ZNF407: variants seen among roughly 807,000 people sequenced by gnomAD.
ZNF407 encodes the protein zinc finger protein 407.
ZNF407 carries 17 observed loss-of-function variants against 131.2 expected under a neutral mutation model. That is an observed-to-expected ratio of 0.13 (90% CI 0.09 to 0.19). ZNF407 has a LOEUF of 0.19. Among genes scored for constraint, ZNF407 ranks in the 10% least tolerant of loss-of-function variants. The pLI is 1.00. For missense variants in ZNF407, 2,681 were observed against 2,830.6 expected (o/e 0.95, Z 1.20); for synonymous variants, 1,156 against 1,062.0 (o/e 1.09, Z -1.72).
intron 8 of ZNF407, among the ~76,000 whole-genome samples, chr18:74,991,460 A>G (rs1972718090): frequency 6.6e-6 from 1 of 152,216 alleles, no homozygotes; most frequent in Non-Finnish European, 1.5e-5. Context: ...TCTTTCTAAG[A>G]TGAGTCATCT....
At chr18:74,628,219 C>T (rs976326483) in intron 1 of ZNF407, among the ~76,000 whole-genome samples, 2 of 152,000 alleles carry the variant, frequency 1.3e-5, no homozygotes, top group African/African-American at 4.8e-5. Flanking sequence ...TTTTCAAATA[C>T]TTTTATATTA....
intron 3 of ZNF407, among the ~76,000 whole-genome samples, chr18:74,777,166 TTATTA>T (rs1969489261): frequency 6.6e-6 from 1 of 152,142 alleles, no homozygotes. Context: ...AAATAGGTCT[TTATTA>T]TATGGTATGT....
At chr18:74,921,318 TC>T (rs1971844106) in intron 8 of ZNF407, among the ~76,000 whole-genome samples, 1 of 152,202 alleles carries the variant, frequency 6.6e-6, no homozygotes, top group African/African-American at 2.4e-5. Flanking sequence ...GTAAAGCAGA[TC>T]CGTTCCTCCA....
At chr18:74,664,496 AAAAC>A (rs895642148) in intron 3 of ZNF407, among the ~76,000 whole-genome samples, 38 of 152,270 alleles carry the variant, frequency 2.5e-4, no homozygotes, top group East Asian at 9.7e-4. Flanking sequence ...CTCCGTCTCA[AAAAC>A]AAACAAACAA....
intron 3 of ZNF407, among the ~76,000 whole-genome samples, chr18:74,756,033 G>T (rs1441820528): frequency 6.7e-6 from 1 of 149,808 alleles, no homozygotes; most frequent in African/African-American, 2.5e-5. Flanking sequence ...AGCTGGGATT[G>T]CAGGTGCGCA....
At chr18:74,674,861 T>G (rs1370596016) in intron 3 of ZNF407, among the ~76,000 whole-genome samples, 1 of 152,206 alleles carries the variant, frequency 6.6e-6, no homozygotes, top group African/African-American at 2.4e-5. Flanking sequence ...CCATACCCCC[T>G]CGCTGGGTAG....
At chr18:74,879,919 C>T (rs1208603938) in intron 5 of ZNF407, among the ~76,000 whole-genome samples, 1 of 152,100 alleles carries the variant, frequency 6.6e-6, no homozygotes, top group Non-Finnish European at 1.5e-5. Context: ...CTTAAAAAGG[C>T]AATTATAATT....
chr18:75,036,652 G>A (rs1035781589), intron 8 of ZNF407, among the ~76,000 whole-genome samples: 2 of 152,204 alleles, frequency 1.3e-5, no homozygotes, highest in Non-Finnish European at 2.9e-5. Context: ...GGCATGCAAT[G>A]TACAAAAATG....
chr18:74,892,303 C>G (rs922950965), intron 7 of ZNF407, among the ~76,000 whole-genome samples: 3 of 152,156 alleles, frequency 2.0e-5, no homozygotes, highest in Non-Finnish European at 2.9e-5. Context: ...CTCAGCACTC[C>G]TTAGCTGTGG....
chr18:75,017,455 C>T lies in ZNF407; in HGVS notation c.5429-45695C>T, dbSNP rs538297543. Among the ~76,000 whole-genome samples, 15 of 152,208 alleles carry T rather than the reference C, an allele frequency of 9.9e-5. No homozygotes were observed. The South Asian group carries it at 2.7e-3, about 27-fold the overall frequency. On this transcript the variant is annotated intron_variant, in intron 8 of 8. Coordinates refer to ENST00000299687, the MANE Select transcript of ZNF407 (RefSeq NM_017757.3). ...GATTAGGGATCCACTGATGTTTTGG[C>T]AGGGAGGTTTATAGGGATGAAGTTT...
chr18:74,752,625 A>G (rs1968832548), intron 3 of ZNF407, among the ~76,000 whole-genome samples: 1 of 152,212 alleles, frequency 6.6e-6, no homozygotes, highest in Non-Finnish European at 1.5e-5. Context: ...CATTTATTAA[A>G]TAGGGAATCT....
intron 4 of ZNF407, among the ~76,000 whole-genome samples, chr18:74,811,353 A>G (rs1970192321): frequency 6.6e-6 from 1 of 152,170 alleles, no homozygotes; most frequent in Non-Finnish European, 1.5e-5. Context: ...TAGAATGGCA[A>G]TCATTAAAAA....
intron 3 of ZNF407, among the ~76,000 whole-genome samples, chr18:74,670,931 G>T (rs1437250204): frequency 6.6e-6 from 1 of 152,192 alleles, no homozygotes; most frequent in African/African-American, 2.4e-5. Context: ...TTCCCAGCTT[G>T]CTGGGATTAC....
intron 7 of ZNF407, among the ~76,000 whole-genome samples, chr18:74,903,205 ACT>A (rs770268419): frequency 5.3e-5 from 8 of 151,968 alleles, no homozygotes; most frequent in Non-Finnish European, 8.8e-5. Context: ...TCCGGCTTGA[ACT>A]CTCAGAAATA....
At chr18:74,697,461 C>T (rs944816696) in intron 3 of ZNF407, among the ~76,000 whole-genome samples, 1 of 151,924 alleles carries the variant, frequency 6.6e-6, no homozygotes, top group South Asian at 2.1e-4. Context: ...ATATTCAGGC[C>T]TTCAGTTTTC....
chr18:75,027,042 G>T (rs1973179764), intron 8 of ZNF407, among the ~76,000 whole-genome samples: 1 of 152,190 alleles, frequency 6.6e-6, no homozygotes. Flanking sequence ...AGCAGTATGT[G>T]GCCTGCGATG....
At chr18:74,981,276 C>T (rs1300310222) in intron 8 of ZNF407, among the ~76,000 whole-genome samples, 1 of 152,210 alleles carries the variant, frequency 6.6e-6, no homozygotes, top group African/African-American at 2.4e-5. Context: ...GGTTACATGC[C>T]ACAGGTGTCC....
intron 8 of ZNF407, among the ~76,000 whole-genome samples, chr18:74,997,510 A>T (rs1014392802): frequency 1.3e-5 from 2 of 152,276 alleles, no homozygotes; most frequent in Non-Finnish European, 2.9e-5. Flanking sequence ...AAAAATAAAT[A>T]AAAAGACTAA....
intron 4 of ZNF407, among the ~76,000 whole-genome samples, chr18:74,831,940 T>C (rs1970490555): frequency 6.6e-6 from 1 of 152,196 alleles, no homozygotes; most frequent in Non-Finnish European, 1.5e-5. Context: ...ATCCTGTCAA[T>C]TCTCTCGTGG....
Sources: allele counts gnomAD v4.1 joint callset (sites outside exome capture counted in the v4.1 genomes callset), GRCh38; gene constraint gnomAD v4.1.1; transcripts MANE v1.5; gene names NCBI Gene and HGNC (gene_info 2026-07-23, HGNC 2026-07-21).